Variants in TMEM272 observed in about 807,000 individuals in gnomAD.
TMEM272 encodes long intergenic non-protein coding RNA 282.
Under a neutral mutation model 3.7 loss-of-function variants are expected in TMEM272, and 8 were observed. The observed-to-expected ratio is 2.17, with a 90% confidence interval of 1.27 to 3.91. TMEM272 has a LOEUF of 3.91. Among genes scored for constraint, TMEM272 ranks in the 30% most tolerant of loss-of-function variants. The pLI is 0.00. For synonymous variants in TMEM272, 63 were observed against 39.8 expected (o/e 1.58, Z -2.20); for missense variants, 166 against 91.5 (o/e 1.81, Z -3.32).
the TMEM272 span, among the ~76,000 whole-genome samples, chr13:51,887,742 C>T: frequency 6.6e-6 from 1 of 152,178 alleles, no homozygotes; most frequent in African/African-American, 2.4e-5. Context: ...ACAGTAAATC[C>T]TTGAAGACTC....
the TMEM272 span, among the ~76,000 whole-genome samples, chr13:51,857,058 C>A: frequency 6.6e-6 from 1 of 151,990 alleles, no homozygotes; most frequent in Non-Finnish European, 1.5e-5. Context: ...TCATCAGAGA[C>A]AAATGTTGAT....
chr13:51,850,262 C>T, the TMEM272 span, among the ~76,000 whole-genome samples: 3 of 152,194 alleles, frequency 2.0e-5, no homozygotes, highest in African/African-American at 7.2e-5. Context: ...TAAGCCAAAT[C>T]ACCTATTAAG....
At chr13:51,903,599 G>C in the TMEM272 span, among the ~76,000 whole-genome samples, 1 of 152,174 alleles carries the variant, frequency 6.6e-6, no homozygotes, top group Non-Finnish European at 1.5e-5. Flanking sequence ...CTAGGTGTAA[G>C]TGCAGGAGAC....
At chr13:51,843,637 T>C (rs1819323714) in intron 1 of TMEM272, among the ~76,000 whole-genome samples, 1 of 152,236 alleles carries the variant, frequency 6.6e-6, no homozygotes, top group Non-Finnish European at 1.5e-5. Flanking sequence ...TTGTTAGAAA[T>C]CTGAAACAGG....
At chr13:51,904,361 T>C in the TMEM272 span, among the ~76,000 whole-genome samples, 4 of 152,176 alleles carry the variant, frequency 2.6e-5, no homozygotes, top group African/African-American at 7.2e-5. Context: ...GGTGGCTAGC[T>C]TATATGCAAT....
chr13:51,853,745 G>T, the TMEM272 span, among the ~76,000 whole-genome samples: 11 of 152,124 alleles, frequency 7.2e-5, no homozygotes, highest in African/African-American at 2.7e-4. Flanking sequence ...AAGTGTAAAT[G>T]ATATATGAAA....
chr13:51,813,660 C>G lies in TMEM272; in HGVS notation c.*3091G>C. 1 of 177,434 alleles carries G rather than the reference C, an allele frequency of 5.6e-6. No homozygotes were observed. Among genetic ancestry groups the G allele is most frequent in the Middle Eastern group, 2.3e-3 (1 of 438 alleles). 11.0% of individuals were successfully genotyped at this position (177,434 alleles called of 1,614,324 possible). A position where few individuals can be genotyped will look rare whatever the true frequency, so the allele number is the denominator to read the frequency against. On this transcript the variant is annotated 3_prime_UTR_variant, in exon 5 of 5. Transcript: ENST00000629372. ...GGGGGCTGTGATTCTGCATTGCAAA[C>G]AAGTCCTTGGGTAGCTCTCAGGGTT... is the stretch of plus-strand genomic sequence containing the variant.
the TMEM272 span, chr13:51,862,152 CTG>C: frequency 6.6e-6 from 1 of 152,404 alleles, no homozygotes; most frequent in East Asian, 1.9e-4. Flanking sequence ...GCACGCATCA[CTG>C]GGGATCTGAC....
chr13:51,852,728 A>C, the TMEM272 span, among the ~76,000 whole-genome samples: 1 of 151,946 alleles, frequency 6.6e-6, no homozygotes, highest in African/African-American at 2.4e-5. Context: ...AAATACAAAA[A>C]ATTAGCCGGG....
the TMEM272 span, among the ~76,000 whole-genome samples, chr13:51,851,522 CTTTTTTTTTTT>C: frequency 6.1e-5 from 6 of 97,994 alleles, no homozygotes; most frequent in African/African-American, 2.5e-4. Context: ...TTTGTTTTAC[CTTTTTTTTTTT>C]TTTTTTTTTG....
the TMEM272 span, among the ~76,000 whole-genome samples, chr13:51,929,268 G>A: frequency 7.2e-5 from 11 of 152,200 alleles, no homozygotes; most frequent in South Asian, 2.1e-4. Flanking sequence ...ATAAAAATAC[G>A]TTGACTGTCG....
At chr13:51,876,184 C>T in the TMEM272 span, among the ~76,000 whole-genome samples, 1 of 152,238 alleles carries the variant, frequency 6.6e-6, no homozygotes, top group Admixed American at 6.5e-5. Flanking sequence ...GTGCATTGGC[C>T]TCTTGGCTTC....
At chr13:51,819,739 C>T (rs1055941917) in intron 4 of TMEM272, among the ~76,000 whole-genome samples, 1 of 152,134 alleles carries the variant, frequency 6.6e-6, no homozygotes, top group Non-Finnish European at 1.5e-5. Context: ...AGGGCAGAGC[C>T]GTCAGCATGG....
the TMEM272 span, among the ~76,000 whole-genome samples, chr13:51,926,907 C>T: frequency 1.3e-5 from 2 of 151,878 alleles, no homozygotes; most frequent in Non-Finnish European, 2.9e-5. Context: ...AATAATAAAA[C>T]AAACATATAT....
the TMEM272 span, among the ~76,000 whole-genome samples, chr13:51,873,255 C>T: frequency 6.6e-6 from 1 of 152,140 alleles, no homozygotes; most frequent in South Asian, 2.1e-4. Context: ...TAATGTCAAA[C>T]AAAGAGTTGT....
chr13:51,845,114 G>A lies in TMEM272; in HGVS notation c.-122C>T, dbSNP rs1385760534. 1 of 152,384 alleles carries A rather than the reference G, an allele frequency of 6.6e-6. No homozygotes were observed. The highest frequency in any genetic ancestry group is 2.4e-5 in the African/African-American group (1 of 41,420). The allele number at this position is 152,384 out of a possible 1,614,324, so 9.4% of individuals were successfully genotyped here. The stretch of plus-strand genomic sequence containing the variant: ...TCTGTGGGGCTCCTCTTGACTTGGG[G>A]CTCCCACTCCCTGTCGCACGCTTTC... On this transcript the variant is annotated 5_prime_UTR_variant, in exon 1 of 5. Transcript: ENST00000629372.
rs533656523 is a variant in TMEM272, at chr13:51,815,252, C to T, written c.*1499G>A. 3 of 152,786 alleles carry T rather than the reference C, an allele frequency of 2.0e-5. No individual in the cohort carries two copies. The South Asian group carries it at 6.2e-4, about 32-fold the overall frequency. The allele number at this position is 152,786 out of a possible 1,614,324, so 9.5% of individuals were successfully genotyped here. On this transcript the variant is annotated 3_prime_UTR_variant, in exon 5 of 5. Coordinates refer to ENST00000629372, the MANE Select transcript of TMEM272 (RefSeq NM_001351003.2). ...AGTGAAAATGAAAACAGAAACTGCC[C>T]TTAGGGACAGGGGCAAAAAAAGGGC...
the TMEM272 span, among the ~76,000 whole-genome samples, chr13:51,931,286 G>A: frequency 7.1e-6 from 1 of 140,618 alleles, no homozygotes; most frequent in African/African-American, 2.7e-5. Flanking sequence ...CATAAAAAAG[G>A]ATGAGTTCGT....
At chr13:51,918,255 C>T in the TMEM272 span, among the ~76,000 whole-genome samples, 1 of 152,202 alleles carries the variant, frequency 6.6e-6, no homozygotes, top group Non-Finnish European at 1.5e-5. Flanking sequence ...GCACCTTCAG[C>T]TGTTCTCCAT....
Sources: allele counts gnomAD v4.1 joint callset (sites outside exome capture counted in the v4.1 genomes callset), GRCh38; gene constraint gnomAD v4.1.1; transcripts MANE v1.5; gene names NCBI Gene and HGNC (gene_info 2026-07-23, HGNC 2026-07-21).